TSEN15: variants seen among roughly 807,000 people sequenced by gnomAD.
TSEN15 encodes the protein tRNA splicing endonuclease subunit 15.
Under a neutral mutation model 20.5 loss-of-function variants are expected in TSEN15, and 10 were observed. The ratio of observed to expected loss-of-function variants is 0.49; its 90% confidence interval spans 0.30 to 0.83. The LOEUF is 0.83. Ranked by LOEUF, TSEN15 falls within the 40% of genes least tolerant of loss-of-function variation. The probability of loss-of-function intolerance (pLI) is 0.06; values close to 1 mark genes in which losing one functional copy is unlikely to be tolerated. For missense variants in TSEN15, 180 were observed against 218.6 expected, an observed-to-expected ratio of 0.82 and a Z score of 1.11; for synonymous variants, 72 against 80.1, an observed-to-expected ratio of 0.90 and a Z score of 0.54.
exon 4 of TSEN15, chr1:184,096,030 A>G: frequency 3.3e-6 from 1 of 299,042 alleles, no homozygotes; most frequent in Non-Finnish European, 6.1e-6. Context: ...CTTCTGGGGG[A>G]GAGAGGAAGA....
At chr1:184,086,710 C>G (rs111749618) in intron 3 of TSEN15, among the ~76,000 whole-genome samples, 1 of 152,110 alleles carries the variant, frequency 6.6e-6, no homozygotes, top group Non-Finnish European at 1.5e-5. Flanking sequence ...TGGCTTCACT[C>G]AGAGCGAATG....
intron 3 of TSEN15, among the ~76,000 whole-genome samples, chr1:184,089,828 GAGCTCTAGGTCAGGTTTGTAGAAGA>G (rs1228123953): frequency 1.3e-5 from 2 of 152,084 alleles, no homozygotes; most frequent in Non-Finnish European, 2.9e-5. Context: ...GGATGTTATT[GAGCTCTAGGTCAGGTTTGTAGAAGA>G]GAAGCGATGC....
intron 3 of TSEN15, among the ~76,000 whole-genome samples, chr1:184,061,360 ATT>A (rs1557880410): frequency 6.6e-6 from 1 of 152,158 alleles, no homozygotes. Context: ...TAACATTTTT[ATT>A]AGTAGGAGAG....
intron 3 of TSEN15, among the ~76,000 whole-genome samples, chr1:184,068,878 A>T (rs975478827): frequency 6.6e-6 from 1 of 152,200 alleles, no homozygotes; most frequent in African/African-American, 2.4e-5. Flanking sequence ...AGGATAGGAG[A>T]TACTTTCTAT....
At chr1:184,059,962 G>A (rs1360901255) in intron 3 of TSEN15, among the ~76,000 whole-genome samples, 1 of 152,186 alleles carries the variant, frequency 6.6e-6, no homozygotes, top group African/African-American at 2.4e-5. Flanking sequence ...AGTTTTCACA[G>A]ACTGGGAGAA....
intron 3 of TSEN15, among the ~76,000 whole-genome samples, chr1:184,091,127 A>G (rs1051379680): frequency 6.6e-6 from 1 of 152,126 alleles, no homozygotes; most frequent in Non-Finnish European, 1.5e-5. Context: ...ACTTTTCAAA[A>G]TACAGCTTGA....
At chr1:184,067,652 T>G (rs1650717680) in intron 3 of TSEN15, among the ~76,000 whole-genome samples, 1 of 152,074 alleles carries the variant, frequency 6.6e-6, no homozygotes, top group Non-Finnish European at 1.5e-5. Flanking sequence ...GCACAGTGGC[T>G]CACGCCTGTA....
chr1:184,076,752 G>A (rs1187614371), downstream of TSEN15, among the ~76,000 whole-genome samples: 1 of 152,150 alleles, frequency 6.6e-6, no homozygotes, highest in African/African-American at 2.4e-5. Context: ...TATGGAGAAA[G>A]TTTGAGTGGT....
intron 3 of TSEN15, among the ~76,000 whole-genome samples, chr1:184,065,184 A>G (rs1650606547): frequency 1.0e-5 from 1 of 99,406 alleles, no homozygotes; most frequent in Non-Finnish European, 1.9e-5. Context: ...TAAAATGTAT[A>G]CACACACACA....
intron 3 of TSEN15, among the ~76,000 whole-genome samples, chr1:184,087,435 T>G (rs1651282747): frequency 6.6e-6 from 1 of 152,176 alleles, no homozygotes; most frequent in Non-Finnish European, 1.5e-5. Flanking sequence ...GGCCAGAAGC[T>G]AAGAATAGGT....
Position 184,054,869 on chromosome 1 carries a change from C to G in TSEN15, c.353+6C>G. 6.2e-7 allele frequency: 1 copy of G among 1,607,382 alleles called. No individual in the cohort carries two copies. Among genetic ancestry groups the G allele is most frequent in the African/African-American group, 1.3e-5 (1 of 74,818 alleles). On this transcript the variant is annotated splice_donor_region_variant and intron_variant, in intron 3 of 4. Transcript: ENST00000645668. ...GCTTCCCTCAGCCATAACAGGTGAG[C>G]AGGTGATTTTGGTCTAAGTTCCTTT... is the stretch of plus-strand genomic sequence containing the variant.
At chr1:184,082,316 T>C (rs931007841) in intron 3 of TSEN15, among the ~76,000 whole-genome samples, 2 of 151,976 alleles carry the variant, frequency 1.3e-5, no homozygotes, top group African/African-American at 4.8e-5. Context: ...ACTTGGAAAA[T>C]ATTTGGTCTG....
chr1:184,072,776 G>C, intron 4 of TSEN15, 51 bp from the exon 5 acceptor site: 1 of 1,539,698 alleles, frequency 6.5e-7, no homozygotes, highest in Non-Finnish European at 8.9e-7. Flanking sequence ...TTTGCTTTTG[G>C]ATTACATTGT....
chr1:184,063,669 A>G (rs1427603926), intron 3 of TSEN15, among the ~76,000 whole-genome samples: 1 of 152,136 alleles, frequency 6.6e-6, no homozygotes, highest in Non-Finnish European at 1.5e-5. Context: ...AAGACTGCCA[A>G]TAGTAATTTT....
At position 184,069,647 on chromosome 1, in the gene TSEN15, C is replaced by T. The variant is rs138653862; in HGVS notation, c.354-2510C>T. Among the ~76,000 whole-genome samples, 470 of 151,982 alleles carry T rather than the reference C, an allele frequency of 3.1e-3. 2 individuals carry two copies. Among genetic ancestry groups the T allele is most frequent in the African/African-American group, 7.4e-3 (306 of 41,490 alleles). Reference sequence around the variant, plus strand: ...AGAACTTAAGAATCTTTTGTTACTGCTATTATTAATAGATTGGGAAAATAT... The same window carrying T: ...AGAACTTAAGAATCTTTTGTTACTGTTATTATTAATAGATTGGGAAAATAT... On this transcript the variant is annotated intron_variant, in intron 3 of 4. Coordinates refer to ENST00000645668, the MANE Select transcript of TSEN15 (RefSeq NM_052965.4).
chr1:184,097,220 G>T (rs1232689495), exon 4 of TSEN15: 1 of 152,136 alleles, frequency 6.6e-6, no homozygotes, highest in East Asian at 1.9e-4. Flanking sequence ...AATGGGAAGG[G>T]GGTTACATTG....
chr1:184,082,737 A>G (rs1199284856), intron 3 of TSEN15, among the ~76,000 whole-genome samples: 1 of 152,096 alleles, frequency 6.6e-6, no homozygotes, highest in Non-Finnish European at 1.5e-5. Context: ...TAGGGGTAGG[A>G]AAAACTGATG....
downstream of TSEN15, among the ~76,000 whole-genome samples, chr1:184,078,504 G>T (rs755097451): frequency 6.6e-6 from 1 of 152,128 alleles, no homozygotes; most frequent in Non-Finnish European, 1.5e-5. Context: ...GAAATGGCAT[G>T]TGAGGATTTC....
At chr1:184,091,703 C>G (rs1651360710) in intron 3 of TSEN15, among the ~76,000 whole-genome samples, 1 of 152,014 alleles carries the variant, frequency 6.6e-6, no homozygotes, top group Non-Finnish European at 1.5e-5. Flanking sequence ...AAACAAAGAG[C>G]CCCTAGGAAA....
Sources: allele counts gnomAD v4.1 joint callset (sites outside exome capture counted in the v4.1 genomes callset), GRCh38; gene constraint gnomAD v4.1.1; transcripts MANE v1.5; gene names NCBI Gene and HGNC (gene_info 2026-07-23, HGNC 2026-07-21).